The following P3H2 variants were observed in gnomAD, a reference collection of about 807,000 sequenced individuals.
P3H2 encodes prolyl 3-hydroxylase 2.
Under a neutral mutation model 87.0 loss-of-function variants are expected in P3H2, and 80 were observed. The observed-to-expected ratio is 0.92, with a 90% CI of 0.77 to 1.11. The LOEUF (loss-of-function observed/expected upper bound fraction) is 1.11, where lower values mean the gene tolerates loss of function less well. Ranked by LOEUF, P3H2 falls within the 50% of genes least tolerant of loss-of-function variation. The probability of loss-of-function intolerance (pLI) is 0.00; values close to 1 mark genes in which losing one functional copy is unlikely to be tolerated. For missense variants in P3H2, 1,001 were observed against 923.9 expected, an observed-to-expected ratio of 1.08 and a Z score of -1.08; for synonymous variants, 367 against 359.3, an observed-to-expected ratio of 1.02 and a Z score of -0.24.
At chr3:190,043,187 T>C (rs1221313592) in intron 1 of P3H2, among the ~76,000 whole-genome samples, 1 of 152,150 alleles carries the variant, frequency 6.6e-6, no homozygotes, top group Non-Finnish European at 1.5e-5. Flanking sequence ...AGATGGAACA[T>C]CATATACATT....
chr3:190,015,673 T>C lies in P3H2; in HGVS notation c.481-20231A>G, dbSNP rs192390681. On this transcript the variant is annotated intron_variant, in intron 1 of 14. Coordinates refer to ENST00000319332, the MANE Select transcript of P3H2 (RefSeq NM_018192.4). ...TTCCCAAGCTGATATTGGTAGGATATGATTTATCTCAGCATCATTGCACTC... is the reference window on the plus strand; with the variant it reads ...TTCCCAAGCTGATATTGGTAGGATACGATTTATCTCAGCATCATTGCACTC... Among the ~76,000 whole-genome samples, 38 of 148,010 alleles carry C rather than the reference T, an allele frequency of 2.6e-4. No homozygotes were observed. In the South Asian group the frequency reaches 4.3e-3, roughly 17 times the overall value.
At chr3:190,108,289 T>G (rs1161427013) in intron 1 of P3H2, among the ~76,000 whole-genome samples, 1 of 152,218 alleles carries the variant, frequency 6.6e-6, no homozygotes, top group African/African-American at 2.4e-5. Flanking sequence ...AGCACTGAGA[T>G]TATTTACAGG....
intron 1 of P3H2, among the ~76,000 whole-genome samples, chr3:190,083,859 T>C (rs1014070015): frequency 5.3e-5 from 8 of 152,208 alleles, no homozygotes; most frequent in Non-Finnish European, 1.0e-4. Context: ...GACAGAGTAA[T>C]GTTTGTTTAA....
intron 7 of P3H2, 139 bp downstream of exon 7, chr3:189,984,411 T>A: frequency 1.5e-6 from 1 of 665,672 alleles, no homozygotes; most frequent in Non-Finnish European, 2.7e-6. Flanking sequence ...GACCTGGATG[T>A]AGAGCTCCTA....
intron 1 of P3H2, among the ~76,000 whole-genome samples, chr3:190,094,167 C>T (rs1409349560): frequency 3.9e-5 from 6 of 152,210 alleles, no homozygotes; most frequent in Admixed American, 3.9e-4. Context: ...GAGCTCTGTA[C>T]ATTGCAAAGA....
chr3:189,987,905 G>T, intron 4 of P3H2: 2 of 536,766 alleles, frequency 3.7e-6, no homozygotes, highest in East Asian at 3.2e-5. Flanking sequence ...TGTGCAAATC[G>T]TCAAGTTTCT....
chr3:190,094,792 G>A (rs1212359783), intron 1 of P3H2, among the ~76,000 whole-genome samples: 4 of 152,212 alleles, frequency 2.6e-5, no homozygotes, highest in African/African-American at 9.6e-5. Flanking sequence ...TGTAAAGGAA[G>A]AGGACCACTT....
chr3:189,966,459 G>A (rs895995475), intron 13 of P3H2, among the ~76,000 whole-genome samples: 1 of 152,204 alleles, frequency 6.6e-6, no homozygotes, highest in African/African-American at 2.4e-5. Context: ...GAGGCGGTTG[G>A]AACTGATTAT....
At chr3:190,079,531 A>G (rs999191076) in intron 1 of P3H2, among the ~76,000 whole-genome samples, 4 of 152,174 alleles carry the variant, frequency 2.6e-5, no homozygotes, top group Admixed American at 2.0e-4. Context: ...GAATCATTTT[A>G]GATATATGCC....
chr3:190,068,866 ATATAATT>A (rs1726602499), intron 1 of P3H2, among the ~76,000 whole-genome samples: 1 of 152,192 alleles, frequency 6.6e-6, no homozygotes, highest in African/African-American at 2.4e-5. Context: ...TCAAACCAAT[ATATAATT>A]TATAAGACTT....
At chr3:189,969,626 C>T in intron 13 of P3H2, 1 of 1,198,298 alleles carries the variant, frequency 8.3e-7, no homozygotes, top group Non-Finnish European at 1.2e-6. Flanking sequence ...CTTCAAAGCC[C>T]AGATGGTCGC....
chr3:190,068,655 T>G (rs1726593481), intron 1 of P3H2, among the ~76,000 whole-genome samples: 1 of 152,198 alleles, frequency 6.6e-6, no homozygotes. Flanking sequence ...AGTTCATTCC[T>G]GGATGAAGGT....
At chr3:190,069,715 T>C (rs1349526294) in intron 1 of P3H2, among the ~76,000 whole-genome samples, 2 of 152,074 alleles carry the variant, frequency 1.3e-5, no homozygotes, top group Non-Finnish European at 2.9e-5. Context: ...TGGGAAGAAA[T>C]GTCTGGAGAA....
chr3:190,025,063 T>C (rs939387178), intron 1 of P3H2, among the ~76,000 whole-genome samples: 3 of 152,226 alleles, frequency 2.0e-5, no homozygotes, highest in Non-Finnish European at 4.4e-5. Flanking sequence ...TGATATATGC[T>C]GTCATATTTA....
rs560648631 is a variant in P3H2, at chr3:189,996,039, A to T, written c.481-597T>A. Among the ~76,000 whole-genome samples the T allele has an allele frequency of 1.1e-4, 17 of 152,330 alleles. No individual in the cohort carries two copies. In the South Asian group the frequency reaches 3.3e-3, roughly 30 times the overall value. ...TATAAATTAGCAAGACCATTATGAA[A>T]AACAGTATGGAGTTTCCTTAAAAAA... On this transcript the variant is annotated intron_variant, in intron 1 of 14. Transcript: ENST00000319332.
At chr3:190,068,871 A>G (rs1726602728) in intron 1 of P3H2, among the ~76,000 whole-genome samples, 2 of 152,186 alleles carry the variant, frequency 1.3e-5, no homozygotes, top group Admixed American at 1.3e-4. Context: ...CCAATATATA[A>G]TTTATAAGAC....
intron 1 of P3H2, among the ~76,000 whole-genome samples, chr3:190,114,189 A>T (rs550877002): frequency 0.017 from 2,354 of 138,112 alleles, 63 homozygotes; most frequent in African/African-American, 0.055. Context: ...TATTATTATT[A>T]TTTTTTTTTT....
chr3:190,108,907 A>C (rs969251962), intron 1 of P3H2, among the ~76,000 whole-genome samples: 3 of 152,158 alleles, frequency 2.0e-5, no homozygotes, highest in African/African-American at 4.8e-5. Context: ...GTACACGTGG[A>C]ATTTCTAGCC....
At chr3:190,014,766 T>G (rs1283310416) in intron 1 of P3H2, among the ~76,000 whole-genome samples, 5 of 152,146 alleles carry the variant, frequency 3.3e-5, no homozygotes, top group Non-Finnish European at 7.3e-5. Flanking sequence ...TTTATCATTC[T>G]GCTCTGTATG....
Sources: allele counts gnomAD v4.1 joint callset (sites outside exome capture counted in the v4.1 genomes callset), GRCh38; gene constraint gnomAD v4.1.1; transcripts MANE v1.5; gene names NCBI Gene and HGNC (gene_info 2026-07-23, HGNC 2026-07-21).